STK39: variants seen among roughly 807,000 people sequenced by gnomAD.
STK39 encodes the protein serine/threonine kinase 39.
A neutral mutation model predicts 77.8 loss-of-function variants in STK39; 20 were observed. The observed-to-expected ratio is 0.26, with a 90% CI of 0.18 to 0.37. The LOEUF (loss-of-function observed/expected upper bound fraction) is 0.37, where lower values mean the gene tolerates loss of function less well. STK39 is among the 10% of genes least tolerant of loss of function. The pLI, the probability that STK39 is intolerant of heterozygous loss-of-function variation, is 1.00. For synonymous variants in STK39, 246 were observed against 234.1 expected, an observed-to-expected ratio of 1.05 and a Z score of -0.47; for missense variants, 479 against 656.5, an observed-to-expected ratio of 0.73 and a Z score of 2.95.
At chr2:168,186,940 C>A (rs528234712) in intron 1 of STK39, among the ~76,000 whole-genome samples, 10 of 152,152 alleles carry the variant, frequency 6.6e-5, no homozygotes, top group Non-Finnish European at 1.2e-4. Flanking sequence ...AAGTCTGATA[C>A]AGCATGATGA....
At chr2:168,012,388 G>C (rs1684291555) in intron 16 of STK39, among the ~76,000 whole-genome samples, 1 of 152,056 alleles carries the variant, frequency 6.6e-6, no homozygotes, top group South Asian at 2.1e-4. Context: ...GGCCATGCTG[G>C]CCTCTAACTC....
Position 168,218,357 on chromosome 2 carries a change from C to T in STK39, c.208+28871G>A, listed in dbSNP as rs140198248. Among the ~76,000 whole-genome samples, 201 of 152,338 alleles carry T rather than the reference C, an allele frequency of 1.3e-3. 1 individual carries two copies. The highest frequency in any genetic ancestry group is 3.8e-3 in the African/African-American group (160 of 41,576). ...AGAATATCTTGGGAAAGTTCACTTT[C>T]GCAGTGTTCAACATGTATGATCTTT... On this transcript the variant is annotated intron_variant, in intron 1 of 17. Coordinates refer to ENST00000355999, the MANE Select transcript of STK39 (RefSeq NM_013233.3).
At chr2:167,992,271 T>C (rs1252633747) in intron 16 of STK39, among the ~76,000 whole-genome samples, 3 of 152,148 alleles carry the variant, frequency 2.0e-5, no homozygotes, top group Non-Finnish European at 4.4e-5. Flanking sequence ...CACTTGTCAA[T>C]TGTTGTCAGA....
At chr2:168,140,617 C>T in intron 6 of STK39, 32 bp downstream of exon 6, 1 of 1,516,860 alleles carries the variant, frequency 6.6e-7, no homozygotes, top group East Asian at 2.3e-5. Flanking sequence ...TGTACTATGT[C>T]CATCAAAAAG....
At chr2:168,124,312 AAT>A (rs1196584273) in intron 10 of STK39, among the ~76,000 whole-genome samples, 11 of 152,268 alleles carry the variant, frequency 7.2e-5, no homozygotes, top group African/African-American at 2.6e-4. Context: ...TCCTATGGCC[AAT>A]ATGTTTTTTG....
At chr2:168,064,077 C>T (rs1453467771) in intron 13 of STK39, among the ~76,000 whole-genome samples, 2 of 152,132 alleles carry the variant, frequency 1.3e-5, no homozygotes, top group Admixed American at 6.5e-5. Flanking sequence ...CAGGGAATCC[C>T]GGGACATGAG....
intron 10 of STK39, among the ~76,000 whole-genome samples, chr2:168,092,230 C>A (rs1686544041): frequency 6.6e-6 from 1 of 152,184 alleles, no homozygotes; most frequent in Admixed American, 6.5e-5. Flanking sequence ...GACACCTGTT[C>A]CTTACATCAT....
intron 16 of STK39, among the ~76,000 whole-genome samples, chr2:167,981,470 T>C (rs140149821): frequency 3.5e-4 from 54 of 152,344 alleles, no homozygotes; most frequent in African/African-American, 1.3e-3. Context: ...ATAGTTTCTC[T>C]AACAAGGTAA....
chr2:168,028,752 C>T (rs755011246), intron 14 of STK39, among the ~76,000 whole-genome samples: 62 of 152,172 alleles, frequency 4.1e-4, no homozygotes, highest in Non-Finnish European at 1.3e-4. Flanking sequence ...AGAGAACTCA[C>T]AGACTCATCA....
chr2:168,009,746 C>T (rs1218094926), intron 16 of STK39, among the ~76,000 whole-genome samples: 3 of 152,132 alleles, frequency 2.0e-5, no homozygotes, highest in East Asian at 1.9e-4. Context: ...CCTGTTCTTA[C>T]TCCAACACTC....
Position 168,247,469 on chromosome 2 carries a change from C to A in STK39, c.-34G>T. ...GGAGGAGAGCAGGAGGACGCGCCGG[C>A]CGACGGACGACCTTCCACTTGAAAC... On this transcript the variant is annotated 5_prime_UTR_variant, in exon 1 of 18. Coordinates refer to ENST00000355999, the MANE Select transcript of STK39 (RefSeq NM_013233.3). 1.5e-6 allele frequency: 2 copies of A among 1,300,644 alleles called. No homozygotes were observed. The highest frequency in any genetic ancestry group is 2.0e-6 in the Non-Finnish European group (2 of 1,009,930). 80.6% of individuals were successfully genotyped at this position (1,300,644 alleles called of 1,614,324 possible).
chr2:167,960,221 A>G (rs1691911715), intron 17 of STK39, among the ~76,000 whole-genome samples: 1 of 152,154 alleles, frequency 6.6e-6, no homozygotes. Context: ...CCTGACAGAC[A>G]TCTACACAAA....
intron 5 of STK39, among the ~76,000 whole-genome samples, chr2:168,153,944 T>C (rs759563861): frequency 1.3e-5 from 2 of 152,116 alleles, no homozygotes; most frequent in Non-Finnish European, 2.9e-5. Context: ...CAAGTCAACT[T>C]AGTTTAACAG....
rs114900004 is a variant in STK39 at position 168,072,266 on chromosome 2, C to A, written c.1242+2716G>T. Among the ~76,000 whole-genome samples, 1,266 of 152,276 alleles carry A rather than the reference C, an allele frequency of 8.3e-3. 22 individuals carry two copies. The highest frequency in any genetic ancestry group is 0.029 in the African/African-American group (1,214 of 41,546). On this transcript the variant is annotated intron_variant, in intron 12 of 17. Transcript: ENST00000355999. ...GGTCTGGAAGAAAACTCTGTTCAAACTGATGACTTCTGTGGAACAAAGTGA... is the reference window on the plus strand; with the variant it reads ...GGTCTGGAAGAAAACTCTGTTCAAAATGATGACTTCTGTGGAACAAAGTGA...
intron 1 of STK39, among the ~76,000 whole-genome samples, chr2:168,182,696 C>T (rs1017241547): frequency 1.3e-5 from 2 of 152,206 alleles, no homozygotes; most frequent in Admixed American, 6.5e-5. Flanking sequence ...AGCTAATGCA[C>T]TCAGACTCCT....
At chr2:168,217,314 T>C (rs1690048339) in intron 1 of STK39, among the ~76,000 whole-genome samples, 1 of 152,160 alleles carries the variant, frequency 6.6e-6, no homozygotes. Flanking sequence ...AGATTCAGCA[T>C]GAATTAGAAA....
rs111443692 is a variant in STK39 at position 167,994,616 on chromosome 2, C to A, written c.1498+18018G>T. Reference sequence around the variant, plus strand: ...CTCCCCCATTCCCACCTCCTCCCAGCTCCCAGCAACCACAAATCTACTTTC... The same window carrying A: ...CTCCCCCATTCCCACCTCCTCCCAGATCCCAGCAACCACAAATCTACTTTC... On this transcript the variant is annotated intron_variant, in intron 16 of 17. Coordinates refer to ENST00000355999, the MANE Select transcript of STK39 (RefSeq NM_013233.3). Among the ~76,000 whole-genome samples the A allele has an allele frequency of 1.8e-4, 28 of 152,300 alleles. 2 individuals are homozygous for A. The highest frequency in any genetic ancestry group is 6.0e-4 in the African/African-American group (25 of 41,560).
chr2:168,118,837 T>C (rs1160422298), intron 10 of STK39, among the ~76,000 whole-genome samples: 1 of 152,104 alleles, frequency 6.6e-6, no homozygotes, highest in Non-Finnish European at 1.5e-5. Flanking sequence ...TGAACTGTTC[T>C]AATAGCACCC....
chr2:168,037,655 C>T (rs910641271), intron 14 of STK39, among the ~76,000 whole-genome samples: 33 of 152,020 alleles, frequency 2.2e-4, no homozygotes, highest in Admixed American at 1.4e-3. Flanking sequence ...AGAAAAATAA[C>T]CATAAGATGC....
Sources: allele counts gnomAD v4.1 joint callset (sites outside exome capture counted in the v4.1 genomes callset), GRCh38; gene constraint gnomAD v4.1.1; transcripts MANE v1.5; gene names NCBI Gene and HGNC (gene_info 2026-07-23, HGNC 2026-07-21).